The following SYT16 variants were observed in gnomAD, a reference collection of about 807,000 sequenced individuals.
The protein encoded by SYT16 is synaptotagmin 16, also known as synaptotagmin-16.
In SYT16, 42 loss-of-function variants were observed where a neutral mutation model predicts 61.4. The observed-to-expected ratio is 0.68, with a 90% CI of 0.53 to 0.89. The LOEUF is 0.89. SYT16 is among the 40% of genes least tolerant of loss of function. The pLI is 0.00. For missense variants in SYT16, 804 were observed against 807.3 expected (o/e 1.00, Z 0.05); for synonymous variants, 314 against 302.3 (o/e 1.04, Z -0.40).
At chr14:61,904,549 G>A (rs935906733) in intron 1 of SYT16, among the ~76,000 whole-genome samples, 2 of 152,212 alleles carry the variant, frequency 1.3e-5, no homozygotes, top group Non-Finnish European at 2.9e-5. Flanking sequence ...TGAGTCTTGA[G>A]TCTTGGAAAT....
At chr14:62,083,458 G>A (rs185480976) in intron 6 of SYT16, among the ~76,000 whole-genome samples, 23 of 152,260 alleles carry the variant, frequency 1.5e-4, no homozygotes, top group African/African-American at 5.1e-4. Context: ...ATGTGCCCGT[G>A]CCTGGTGGGG....
intron 3 of SYT16, among the ~76,000 whole-genome samples, chr14:62,065,522 A>G (rs1231628436): frequency 1.3e-5 from 2 of 152,254 alleles, no homozygotes; most frequent in Non-Finnish European, 2.9e-5. Context: ...ATCAAGAACC[A>G]TATACTAATA....
Position 62,080,882 on chromosome 14 carries a change from A to T in SYT16, c.1042A>T (p.Ile348Phe), listed in dbSNP as rs750517599. The change falls in exon 6 of 8, where the codon ATC becomes TTC. Residue 348 changes from isoleucine to phenylalanine, a missense_variant. Transcript: ENST00000683842. Reference protein sequence around the residue: ...LQVPSGVSEPISKCGDLDVIF... With the variant: ...LQVPSGVSEPFSKCGDLDVIF... ...GGTGCCATCCGGGGTCTCAGAGCCC[A>T]TCTCAAAGTGTGGTGACCTAGATGT... 1.9e-6 allele frequency: 3 copies of T among 1,604,988 alleles called. No individual in the cohort carries two copies. The African/African-American group carries it at 4.0e-5, about 21-fold the overall frequency.
At chr14:62,073,105 C>G (rs891937987) in intron 4 of SYT16, among the ~76,000 whole-genome samples, 1 of 152,138 alleles carries the variant, frequency 6.6e-6, no homozygotes, top group African/African-American at 2.4e-5. Flanking sequence ...ATTTGCTTCT[C>G]TAATTCATTC....
At chr14:62,003,463 C>T (rs936531319) in intron 3 of SYT16, among the ~76,000 whole-genome samples, 4 of 151,828 alleles carry the variant, frequency 2.6e-5, no homozygotes, top group African/African-American at 9.7e-5. Context: ...GTATCTGCCC[C>T]TTGCCAGCAA....
intron 1 of SYT16, among the ~76,000 whole-genome samples, chr14:61,874,158 T>G (rs2047415771): frequency 6.6e-6 from 1 of 152,190 alleles, no homozygotes; most frequent in Admixed American, 6.5e-5. Context: ...GCATAGAATT[T>G]TGCAAAACAA....
chr14:62,083,052 T>A (rs972099042), intron 6 of SYT16, among the ~76,000 whole-genome samples: 3 of 152,124 alleles, frequency 2.0e-5, no homozygotes, highest in Admixed American at 1.3e-4. Flanking sequence ...AATATTTCAT[T>A]GTTGAATTTT....
chr14:62,083,918 G>T (rs1355300117), intron 6 of SYT16, among the ~76,000 whole-genome samples: 1 of 152,170 alleles, frequency 6.6e-6, no homozygotes, highest in Non-Finnish European at 1.5e-5. Context: ...TAGAGGGTTT[G>T]ATTTACACTA....
intron 7 of SYT16, among the ~76,000 whole-genome samples, chr14:62,093,847 G>T (rs1183597210): frequency 6.6e-6 from 1 of 152,124 alleles, no homozygotes; most frequent in Non-Finnish European, 1.5e-5. Flanking sequence ...AGGCTGTGAT[G>T]TAATGATTAA....
chr14:62,007,647 G>A (rs115924813), intron 3 of SYT16, among the ~76,000 whole-genome samples: 6,736 of 152,172 alleles, frequency 0.044, 172 homozygotes, highest in African/African-American at 0.056. Flanking sequence ...TATGTGGACA[G>A]AAGTTAGAAT....
intron 5 of SYT16, among the ~76,000 whole-genome samples, chr14:62,076,088 G>A (rs2140959381): frequency 6.6e-6 from 1 of 152,278 alleles, no homozygotes. Flanking sequence ...ATGGCTGGAG[G>A]TGATGATGGT....
chr14:61,999,286 A>T (rs1264027405), intron 3 of SYT16, among the ~76,000 whole-genome samples: 1 of 151,646 alleles, frequency 6.6e-6, no homozygotes, highest in Non-Finnish European at 1.5e-5. Flanking sequence ...TGAAACATAA[A>T]CTCAATTTAT....
intron 1 of SYT16, among the ~76,000 whole-genome samples, chr14:61,901,953 GGTTTC>G (rs1273251612): frequency 6.6e-6 from 1 of 151,938 alleles, no homozygotes; most frequent in Non-Finnish European, 1.5e-5. Context: ...GTAGAGACAA[GGTTTC>G]GCTATGTTGG....
intron 3 of SYT16, among the ~76,000 whole-genome samples, chr14:61,999,525 C>CTAT (rs2052908172): frequency 6.6e-6 from 1 of 151,630 alleles, no homozygotes; most frequent in African/African-American, 2.4e-5. Flanking sequence ...GATTATTTGT[C>CTAT]TATCCACCTA....
chr14:61,825,753 A>G (rs1248395680), intron 1 of SYT16, among the ~76,000 whole-genome samples: 2 of 152,220 alleles, frequency 1.3e-5, no homozygotes, highest in Non-Finnish European at 2.9e-5. Flanking sequence ...AAACTTCTAA[A>G]TAAAGACCCC....
At chr14:62,005,729 A>C (rs2053195555) in intron 3 of SYT16, among the ~76,000 whole-genome samples, 1 of 152,188 alleles carries the variant, frequency 6.6e-6, no homozygotes, top group African/African-American at 2.4e-5. Flanking sequence ...CCTTTTAACC[A>C]ATCAAATATG....
At chr14:61,915,314 T>A (rs2049080102) in intron 1 of SYT16, among the ~76,000 whole-genome samples, 1 of 152,148 alleles carries the variant, frequency 6.6e-6, no homozygotes, top group Non-Finnish European at 1.5e-5. Flanking sequence ...GATTGAATTT[T>A]TTTTAAAACA....
intron 7 of SYT16, among the ~76,000 whole-genome samples, chr14:62,088,446 A>G (rs748581682): frequency 2.0e-5 from 3 of 152,186 alleles, no homozygotes; most frequent in Admixed American, 6.5e-5. Flanking sequence ...GCTAGGATGT[A>G]CTTGGTAGGG....
chr14:61,949,481 G>A (rs1182259594), intron 1 of SYT16, among the ~76,000 whole-genome samples: 1 of 151,964 alleles, frequency 6.6e-6, no homozygotes, highest in Non-Finnish European at 1.5e-5. Context: ...ACTTTGCTAT[G>A]TTGCTCAGGC....
Sources: gnomAD v4.1 joint callset for allele counts (sites outside exome capture counted in the v4.1 genomes callset) on GRCh38, gnomAD v4.1.1 for gene constraint, MANE v1.5 for transcripts, NCBI Gene and HGNC (gene_info 2026-07-23, HGNC 2026-07-21) for gene names.